EEA1: variants seen among roughly 807,000 people sequenced by gnomAD.
EEA1 encodes early endosome antigen 1, 162kD.
In EEA1, 111 loss-of-function variants were observed where a neutral mutation model predicts 209.2. That is an observed-to-expected ratio of 0.53 (90% CI 0.45 to 0.62). The LOEUF (loss-of-function observed/expected upper bound fraction) is 0.62. Ranked by LOEUF, EEA1 falls within the 20% of genes least tolerant of loss-of-function variation. The pLI is 0.00. For missense variants in EEA1, 1,343 were observed against 1,530.8 expected, an observed-to-expected ratio of 0.88 and a Z score of 2.05; for synonymous variants, 536 against 540.6, an observed-to-expected ratio of 0.99 and a Z score of 0.12.
chr12:92,875,026 T>C (rs1878821985), intron 2 of EEA1, among the ~76,000 whole-genome samples: 1 of 152,200 alleles, frequency 6.6e-6, no homozygotes. Flanking sequence ...TATACGATTT[T>C]TTAAAAATCA....
chr12:92,875,021 GA>G (rs1878821738), intron 2 of EEA1, among the ~76,000 whole-genome samples: 1 of 152,068 alleles, frequency 6.6e-6, no homozygotes, highest in Non-Finnish European at 1.5e-5. Flanking sequence ...AGTAATATAC[GA>G]TTTTTTAAAA....
At chr12:92,814,926 A>G (rs927298369) in intron 15 of EEA1, among the ~76,000 whole-genome samples, 1 of 152,200 alleles carries the variant, frequency 6.6e-6, no homozygotes, top group African/African-American at 2.4e-5. Context: ...CTTAACAGTT[A>G]AGCTACAGCT....
chr12:92,865,270 G>A (rs1218076844), intron 2 of EEA1, among the ~76,000 whole-genome samples: 1 of 151,804 alleles, frequency 6.6e-6, no homozygotes, highest in Non-Finnish European at 1.5e-5. Context: ...TGAAAAGTTA[G>A]TTCTAATATA....
At chr12:92,856,696 T>G (rs1216265513) in intron 5 of EEA1, among the ~76,000 whole-genome samples, 1 of 151,732 alleles carries the variant, frequency 6.6e-6, no homozygotes, top group Admixed American at 6.6e-5. Context: ...TTTTTAACCA[T>G]TTAGGTATAT....
intron 9 of EEA1, among the ~76,000 whole-genome samples, chr12:92,849,897 C>A (rs536780321): frequency 1.3e-5 from 2 of 152,192 alleles, no homozygotes; most frequent in Admixed American, 1.3e-4. Flanking sequence ...GTCTACTTTA[C>A]ATAAGGGAGC....
intron 22 of EEA1, among the ~76,000 whole-genome samples, chr12:92,786,618 C>T (rs1874145107): frequency 6.6e-6 from 1 of 152,026 alleles, no homozygotes; most frequent in Admixed American, 6.6e-5. Flanking sequence ...ATGTTCATCC[C>T]AGTTCTAATC....
intron 10 of EEA1, among the ~76,000 whole-genome samples, chr12:92,838,532 G>C (rs1215239541): frequency 2.0e-5 from 3 of 152,166 alleles, no homozygotes; most frequent in African/African-American, 7.2e-5. Context: ...CAAGGATCTA[G>C]AGGTTTACTA....
chr12:92,809,523 T>TAAAAA (rs57998627), intron 17 of EEA1, among the ~76,000 whole-genome samples: 15 of 107,018 alleles, frequency 1.4e-4, no homozygotes, highest in African/African-American at 5.0e-4. Context: ...TTATCTCTAC[T>TAAAAA]AAAAAAAAAA....
chr12:92,844,858 TATC>T (rs1010012530), intron 9 of EEA1, among the ~76,000 whole-genome samples: 4 of 152,094 alleles, frequency 2.6e-5, no homozygotes, highest in African/African-American at 9.7e-5. Flanking sequence ...TCTCATTAAA[TATC>T]ATGATTTCAT....
intron 21 of EEA1, among the ~76,000 whole-genome samples, chr12:92,791,002 A>C (rs1284159711): frequency 2.0e-5 from 3 of 152,222 alleles, no homozygotes; most frequent in Non-Finnish European, 4.4e-5. Flanking sequence ...TTCAACCCAG[A>C]ATTTCATATC....
chr12:92,774,550 CTCT>C lies in EEA1; in HGVS notation c.*1458_*1460del, dbSNP rs1246969622. 1 of 151,652 alleles carries C rather than the reference CTCT, an allele frequency of 6.6e-6. No individual in the cohort carries two copies. Among genetic ancestry groups the C allele is most frequent in the Non-Finnish European group, 1.5e-5 (1 of 67,632 alleles). The allele number at this position is 151,652 out of a possible 1,614,324, so 9.4% of individuals were successfully genotyped here. On this transcript the variant is annotated 3_prime_UTR_variant, in exon 29 of 29. Transcript: ENST00000322349. ...TAATAAACCAATATTAATAACTTCT[CTCT>C]TGAGATGTTTTACAATTTTCCAAAT...
rs1482229911 is a variant in EEA1, at chr12:92,862,644, C to T, written c.245+2216G>A. 2.6e-5 allele frequency among the ~76,000 whole-genome samples: 4 copies of T among 150,990 alleles called. No homozygotes were observed. In the South Asian group the frequency reaches 6.3e-4, roughly 24 times the overall value. ...AGCAATATGGAGAATTGGAGGAGTA[C>T]AAGACTAAAGATAGAGAGCCAACTA... On this transcript the variant is annotated intron_variant, in intron 3 of 28. Transcript: ENST00000322349.
intron 19 of EEA1, among the ~76,000 whole-genome samples, chr12:92,802,154 T>C (rs1053451150): frequency 6.6e-6 from 1 of 152,086 alleles, no homozygotes; most frequent in South Asian, 2.1e-4. Flanking sequence ...ACAACACACA[T>C]GAGAAAGACT....
At position 92,772,345 on chromosome 12, in the gene EEA1, G is replaced by A. The variant is rs1208624754; in HGVS notation, c.*3666C>T. On this transcript the variant is annotated 3_prime_UTR_variant, in exon 29 of 29. Coordinates refer to ENST00000322349, the MANE Select transcript of EEA1 (RefSeq NM_003566.4). Reference sequence around the variant, plus strand: ...CAAAATGGCATTAATAATTTCTCTTGAGATCAGGAATTTAATTACTATTCG... The same window carrying A: ...CAAAATGGCATTAATAATTTCTCTTAAGATCAGGAATTTAATTACTATTCG... The A allele has an allele frequency of 6.6e-6, 1 of 151,496 alleles. No homozygotes were observed. The highest frequency in any genetic ancestry group is 2.4e-5 in the African/African-American group (1 of 41,254). The allele number at this position is 151,496 out of a possible 1,614,324, so 9.4% of individuals were successfully genotyped here.
intron 17 of EEA1, 67 bp downstream of exon 17, chr12:92,811,212 T>C (rs1188611712): frequency 9.2e-7 from 1 of 1,090,858 alleles, no homozygotes; most frequent in Non-Finnish European, 1.2e-6. Flanking sequence ...TGATTCCATG[T>C]AGGTCATGAG....
chr12:92,799,203 C>G, intron 20 of EEA1, 117 bp from the exon 21 acceptor site: 2 of 854,060 alleles, frequency 2.3e-6, no homozygotes, highest in Non-Finnish European at 3.4e-6. Flanking sequence ...AGACAATTTA[C>G]TGAGTAACTA....
At chr12:92,875,002 A>T (rs962278171) in intron 2 of EEA1, among the ~76,000 whole-genome samples, 1 of 152,170 alleles carries the variant, frequency 6.6e-6, no homozygotes, top group Non-Finnish European at 1.5e-5. Context: ...AAGTAAATAA[A>T]TTTTTTTAAG....
intron 12 of EEA1, 38 bp from the exon 13 acceptor site, chr12:92,826,323 G>A (rs1410309674): frequency 3.8e-6 from 6 of 1,575,206 alleles, no homozygotes; most frequent in Admixed American, 3.4e-5. Flanking sequence ...GAACTTAAAG[G>A]CATAATGCTA....
intron 2 of EEA1, chr12:92,883,855 G>A: frequency 6.2e-7 from 1 of 1,603,696 alleles, no homozygotes; most frequent in Non-Finnish European, 8.5e-7. Flanking sequence ...AACAACCGAT[G>A]AGAGCCTGAG....
Sources: gnomAD v4.1 joint callset for allele counts (sites outside exome capture counted in the v4.1 genomes callset) on GRCh38, gnomAD v4.1.1 for gene constraint, MANE v1.5 for transcripts, NCBI Gene and HGNC (gene_info 2026-07-23, HGNC 2026-07-21) for gene names.